Variants in ZER1 observed in about 807,000 individuals in gnomAD.
The protein encoded by ZER1 is protein zer-1 homolog.
Under a neutral mutation model 78.8 loss-of-function variants are expected in ZER1, and 11 were observed. That is an observed-to-expected ratio of 0.14 (90% CI 0.09 to 0.23). The LOEUF is 0.23. ZER1 is among the 10% of genes least tolerant of loss of function. ZER1 has a pLI of 1.00. For missense variants in ZER1, 588 were observed against 996.9 expected (o/e 0.59, Z 5.52); for synonymous variants, 400 against 407.0 (o/e 0.98, Z 0.21).
At chr9:128,744,263 C>G (rs745564340) in intron 8 of ZER1, among the ~76,000 whole-genome samples, 3 of 152,000 alleles carry the variant, frequency 2.0e-5, no homozygotes, top group Non-Finnish European at 4.4e-5. Context: ...CTTGCAGTGG[C>G]TCACTGCAAC....
At chr9:128,763,744 T>C (rs994382691) in intron 1 of ZER1, among the ~76,000 whole-genome samples, 1 of 152,090 alleles carries the variant, frequency 6.6e-6, no homozygotes, top group African/African-American at 2.4e-5. Flanking sequence ...TCCCAAAACT[T>C]TGGGAGACTG....
At chr9:128,737,235 T>C (rs10819436) in intron 13 of ZER1, among the ~76,000 whole-genome samples, 151,495 of 152,078 alleles carry the variant, frequency 1, 75,461 homozygotes, top group Middle Eastern at 1. Context: ...CTTCCTGCCT[T>C]GGCCTCCCAA....
At chr9:128,743,890 C>G (rs2132419994) in intron 8 of ZER1, among the ~76,000 whole-genome samples, 1 of 138,484 alleles carries the variant, frequency 7.2e-6, no homozygotes, top group South Asian at 2.4e-4. Context: ...CCAATGGCCC[C>G]TGCTTTTTTT....
At chr9:128,747,676 C>T (rs554231896) in intron 8 of ZER1, among the ~76,000 whole-genome samples, 15 of 152,278 alleles carry the variant, frequency 9.9e-5, no homozygotes, top group Middle Eastern at 3.4e-3. Context: ...TGCAGTGGCA[C>T]GATCTCAGCT....
At chr9:128,736,861 T>G (rs888153489) in intron 13 of ZER1, among the ~76,000 whole-genome samples, 2 of 151,416 alleles carry the variant, frequency 1.3e-5, no homozygotes, top group Non-Finnish European at 2.9e-5. Flanking sequence ...AAATTTTTTT[T>G]GGCCAGGTGC....
At chr9:128,741,760 T>G (rs776648742) in intron 10 of ZER1, 40 bp downstream of exon 10, 6 of 1,613,502 alleles carry the variant, frequency 3.7e-6, no homozygotes, top group Non-Finnish European at 5.1e-6. Context: ...CCTTGCGAGG[T>G]GGGGAAAGGG....
rs552493910 is a variant in ZER1, at chr9:128,742,532, C to T, written c.1573G>A (p.Val525Met). The T allele has an allele frequency of 3.7e-5, 60 of 1,613,888 alleles. No homozygotes were observed. Among genetic ancestry groups the T allele is most frequent in the Non-Finnish European group, 4.6e-5 (54 of 1,180,036 alleles). ...KEAVGKMGFVVTMLKLIQKKL... is the reference protein window; with the variant it reads ...KEAVGKMGFVMTMLKLIQKKL... ...GGGGCAGCGCCCCCCACACGTACCA[C>T]GACAAAGCCCATCTTGCCCACGGCC... Residue 525 changes from valine to methionine, a missense_variant and splice_region_variant, in exon 9 of 16, where the codon GTG (valine) becomes ATG (methionine). Val to Met is a conservative substitution (Grantham distance 21, BLOSUM62 1). This residue lies in a region of ZER1 where 60 missense variants were observed against 163.3 expected (regional missense o/e 0.37). Coordinates refer to ENST00000291900, the MANE Select transcript of ZER1 (RefSeq NM_006336.4).
At chr9:128,750,467 G>T in intron 8 of ZER1, 149 bp downstream of exon 8, 1 of 928,498 alleles carries the variant, frequency 1.1e-6, no homozygotes, top group Non-Finnish European at 1.6e-6. Context: ...TGTGGGAAGG[G>T]CCAGGTCCCA....
chr9:128,751,498 G>A lies in ZER1; in HGVS notation c.953C>T (p.Pro318Leu), dbSNP rs1204420066. ...CAGCGGCCTCTTCAGAGCCCGGAAA[G>A]GTATGATGCTGCTCTTGGAAGGCTC... The part of the protein sequence containing the change: ...SIEPSKSSII[P>L]FRALKRPLQF... The change falls in exon 6 of 16, where the codon CCT (proline) becomes CTT (leucine). Residue 318 changes from proline to leucine, a missense_variant. By Grantham distance (98) the Pro-to-Leu change is moderately conservative (BLOSUM62 -3). Coordinates refer to ENST00000291900, the MANE Select transcript of ZER1 (RefSeq NM_006336.4). This position sits in a 1 kb window ranked among gnomAD's most constrained non-coding sequence, Gnocchi z 5.4. 8.1e-6 allele frequency: 13 copies of A among 1,613,826 alleles called. No homozygotes were observed. Among genetic ancestry groups the A allele is most frequent in the Non-Finnish European group, 1.1e-5 (13 of 1,180,038 alleles).
chr9:128,756,678 T>C (rs1050011939), intron 1 of ZER1, among the ~76,000 whole-genome samples: 11 of 152,210 alleles, frequency 7.2e-5, no homozygotes, highest in Non-Finnish European at 1.5e-4. Flanking sequence ...CTGATAGAAA[T>C]GTCCAGTGAC....
chr9:128,735,768 T>TTG (rs1863052203), intron 13 of ZER1, among the ~76,000 whole-genome samples: 1 of 112,616 alleles, frequency 8.9e-6, no homozygotes, highest in Non-Finnish European at 1.8e-5. Flanking sequence ...CTGGTTTTTT[T>TTG]TTTTTTTTTT....
At position 128,740,643 on chromosome 9, in the gene ZER1, C is replaced by A; in HGVS notation, c.1853+129G>T. On this transcript the variant is annotated intron_variant, in intron 12 of 15. Coordinates refer to ENST00000291900, the MANE Select transcript of ZER1 (RefSeq NM_006336.4). The surrounding 1 kb of genome is among the most constrained non-coding windows in gnomAD (Gnocchi z 4.4). Reference sequence around the variant, plus strand: ...TACGAAGGATTGAATGAATAAGAAACCACATTATCGAGGGAAAATGACATT... The same window carrying A: ...TACGAAGGATTGAATGAATAAGAAAACACATTATCGAGGGAAAATGACATT... 2 of 591,610 alleles carry A rather than the reference C, an allele frequency of 3.4e-6. No homozygotes were observed. Among genetic ancestry groups the A allele is most frequent in the Non-Finnish European group, 6.1e-6 (2 of 327,048 alleles). 36.6% of individuals were successfully genotyped at this position (591,610 alleles called of 1,614,324 possible).
chr9:128,762,591 G>A (rs1864084112), intron 1 of ZER1, among the ~76,000 whole-genome samples: 1 of 152,224 alleles, frequency 6.6e-6, no homozygotes, highest in Admixed American at 6.5e-5. Context: ...AATATCAAAA[G>A]GGCTTAGAAC....
Position 128,742,520 on chromosome 9 carries a change from C to G in ZER1, c.1575+10G>C. Reference sequence around the variant, plus strand: ...CTCAGGAGGAAGGGGGCAGCGCCCCCCACACGTACCACGACAAAGCCCATC... The same window carrying G: ...CTCAGGAGGAAGGGGGCAGCGCCCCGCACACGTACCACGACAAAGCCCATC... On this transcript the variant is annotated intron_variant, in intron 9 of 15. Coordinates refer to ENST00000291900, the MANE Select transcript of ZER1 (RefSeq NM_006336.4). The G allele has an allele frequency of 6.2e-7, 1 of 1,613,486 alleles. No individual in the cohort carries two copies. The highest frequency in any genetic ancestry group is 8.5e-7 in the Non-Finnish European group (1 of 1,180,022).
intron 8 of ZER1, among the ~76,000 whole-genome samples, chr9:128,748,031 G>A (rs1396777415): frequency 6.6e-6 from 1 of 152,114 alleles, no homozygotes; most frequent in Non-Finnish European, 1.5e-5. Context: ...AAGGCAGGAG[G>A]ATCACTTGAG....
intron 8 of ZER1, among the ~76,000 whole-genome samples, chr9:128,745,273 A>G (rs1460036906): frequency 6.7e-6 from 1 of 150,290 alleles, no homozygotes; most frequent in Non-Finnish European, 1.5e-5. Flanking sequence ...TGCAGCCTCA[A>G]AATCCTGGGC....
chr9:128,736,538 T>G (rs1165146735), intron 13 of ZER1, among the ~76,000 whole-genome samples: 1 of 150,904 alleles, frequency 6.6e-6, no homozygotes, highest in Non-Finnish European at 1.5e-5. Flanking sequence ...GGACTACAGG[T>G]GCATGCCACC....
chr9:128,735,797 A>G (rs1863056095), intron 13 of ZER1, among the ~76,000 whole-genome samples: 1 of 91,660 alleles, frequency 1.1e-5, no homozygotes. Context: ...TTTTTTTGTG[A>G]GACGGAGTTT....
intron 13 of ZER1, among the ~76,000 whole-genome samples, chr9:128,737,550 T>C (rs1424962855): frequency 6.6e-6 from 1 of 152,164 alleles, no homozygotes; most frequent in African/African-American, 2.4e-5. Flanking sequence ...TGCCTGGTGA[T>C]TGGCCAGTCA....
Sources: gnomAD v4.1 joint callset for allele counts (sites outside exome capture counted in the v4.1 genomes callset) on GRCh38, gnomAD v4.1.1 for gene constraint, gnomAD v4.1.1 regional missense constraint, Gnocchi (gnomAD v3.1) non-coding constraint, MANE v1.5 for transcripts, NCBI Gene and HGNC (gene_info 2026-07-23, HGNC 2026-07-21) for gene names.